TBC1D24: variants seen among roughly 807,000 people sequenced by gnomAD.
TBC1D24 encodes Infantile myoclonic epilepsy.
A neutral mutation model predicts 50.7 loss-of-function variants in TBC1D24; 47 were observed. The ratio of observed to expected loss-of-function variants is 0.93; its 90% CI spans 0.73 to 1.18. The LOEUF is 1.18. Ranked by LOEUF, TBC1D24 falls within the 50% of genes most tolerant of loss-of-function variation. TBC1D24 has a pLI of 0.00. For missense variants in TBC1D24, 688 were observed against 766.5 expected, an observed-to-expected ratio of 0.90 and a Z score of 1.21; for synonymous variants, 324 against 335.2, an observed-to-expected ratio of 0.97 and a Z score of 0.36.
rs1227972209 is a variant in TBC1D24, at chr16:2,504,425, T to C, written c.*3467T>C. ...TATTGAGATTGTCCCTTTTTTTTTT[T>C]TTTTTTTTTTTGAGACAGAGTCTCG... On this transcript the variant is annotated 3_prime_UTR_variant, in exon 8 of 8. Coordinates refer to ENST00000646147, the MANE Select transcript of TBC1D24 (RefSeq NM_001199107.2). The C allele has an allele frequency of 6.8e-6, 1 of 146,252 alleles. No individual in the cohort carries two copies. The allele number at this position is 146,252 out of a possible 1,614,324, so 9.1% of individuals were successfully genotyped here. A position where few individuals can be genotyped will look rare whatever the true frequency, so the allele number is the denominator to read the frequency against.
Position 2,499,397 on chromosome 16 carries a change from C to A in TBC1D24, c.1183C>A (p.Leu395Ile), listed in dbSNP as rs1450949399. Residue 395 changes from leucine to isoleucine, a missense_variant, in exon 5 of 8, where the codon CTC becomes ATC. Transcript: ENST00000646147. This position sits in a 1 kb window ranked among gnomAD's most constrained non-coding sequence, Gnocchi z 4.0. ...TGAAGGACATGAGCCTACCCTCTTG[C>A]TCATCAAGACCACGCAGAAGGAGGT... ...QCEGHEPTLL[L>I]IKTTQKEVCG... is the part of the protein sequence containing the mutation. 1 of 1,613,712 alleles carries A rather than the reference C, an allele frequency of 6.2e-7. No individual in the cohort carries two copies. The highest frequency in any genetic ancestry group is 8.5e-7 in the Non-Finnish European group (1 of 1,179,874).
intron 1 of TBC1D24, among the ~76,000 whole-genome samples, chr16:2,490,550 G>A (rs1265398192): frequency 6.6e-6 from 1 of 152,200 alleles, no homozygotes; most frequent in Non-Finnish European, 1.5e-5. Flanking sequence ...CCCGGAGAGA[G>A]AGTGGGATAG....
At chr16:2,476,889 C>A (rs1248990801) in intron 1 of TBC1D24, 1 of 152,262 alleles carries the variant, frequency 6.6e-6, no homozygotes, top group East Asian at 1.9e-4. Flanking sequence ...CTGACCACAC[C>A]TGCCAGGAGT....
Position 2,501,094 on chromosome 16 carries a change from T to A in TBC1D24, c.*136T>A. On this transcript the variant is annotated 3_prime_UTR_variant, in exon 8 of 8. Transcript: ENST00000646147. Reference sequence around the variant, plus strand: ...GACGGCAGGACCCCATGGCCAAGCCTGGCGTTGCCTGGACCTGCTGCTGCC... The same window carrying A: ...GACGGCAGGACCCCATGGCCAAGCCAGGCGTTGCCTGGACCTGCTGCTGCC... The A allele has an allele frequency of 8.7e-7, 1 of 1,147,746 alleles. No individual in the cohort carries two copies. The highest frequency in any genetic ancestry group is 1.2e-6 in the Non-Finnish European group (1 of 815,182). 71.1% of individuals were successfully genotyped at this position (1,147,746 alleles called of 1,614,324 possible). A position where few individuals can be genotyped will look rare whatever the true frequency, so the allele number is the denominator to read the frequency against.
At chr16:2,498,474 T>C in intron 4 of TBC1D24, 78 bp downstream of exon 4, 3 of 1,403,296 alleles carry the variant, frequency 2.1e-6, no homozygotes, top group Non-Finnish European at 1.9e-6. Context: ...GAAATGGGCC[T>C]CAAACCTCGG....
In TBC1D24 at chr16:2,486,055, G is replaced by A. The variant is rs1452996326; in HGVS notation, c.-115-9979G>A. On this transcript the variant is annotated intron_variant, in intron 1 of 7. Transcript: ENST00000646147. The surrounding 1 kb of genome is among the most constrained non-coding windows in gnomAD (Gnocchi z 5.8). ...TGCCCTCCCCTGCCTGGCGGGTGGG[G>A]TCGGTGCTCAGGAGCGGGTGGGGCC... Among the ~76,000 whole-genome samples, 3 of 152,216 alleles carry A rather than the reference G, an allele frequency of 2.0e-5. No homozygotes were observed. The highest frequency in any genetic ancestry group is 4.4e-5 in the Non-Finnish European group (3 of 68,024).
At position 2,485,767 on chromosome 16, in the gene TBC1D24, C is replaced by T. The variant is rs1252733281; in HGVS notation, c.-115-10267C>T. Among the ~76,000 whole-genome samples the T allele has an allele frequency of 4.6e-5, 7 of 152,236 alleles. No individual in the cohort carries two copies. Among genetic ancestry groups the T allele is most frequent in the Non-Finnish European group, 1.0e-4 (7 of 68,038 alleles). On this transcript the variant is annotated intron_variant, in intron 1 of 7. Coordinates refer to ENST00000646147, the MANE Select transcript of TBC1D24 (RefSeq NM_001199107.2). The surrounding 1 kb of genome is among the most constrained non-coding windows in gnomAD (Gnocchi z 4.6). ...GGATTGCTTGCTGCCGGGAGAAACC[C>T]CCGCATCTTCTGGGTCGCAGATCCT... is the stretch of plus-strand genomic sequence containing the variant.
At chr16:2,480,049 C>T (rs974461994) in intron 1 of TBC1D24, 1 of 152,166 alleles carries the variant, frequency 6.6e-6, no homozygotes, top group African/African-American at 2.4e-5. Context: ...CCTGGCTGCT[C>T]TCGAACTCCC....
chr16:2,494,818 C>T (rs1284835673), intron 1 of TBC1D24, among the ~76,000 whole-genome samples: 2 of 152,066 alleles, frequency 1.3e-5, no homozygotes, highest in Non-Finnish European at 2.9e-5. Flanking sequence ...AGGTATACTC[C>T]AAAGTTTGTA....
Position 2,485,134 on chromosome 16 carries a change from C to G in TBC1D24, c.-116+9964C>G, listed in dbSNP as rs2065639339. On this transcript the variant is annotated intron_variant, in intron 1 of 7. Transcript: ENST00000646147. This position sits in a 1 kb window ranked among gnomAD's most constrained non-coding sequence, Gnocchi z 4.6. Reference sequence around the variant, plus strand: ...TTTGGTCTTTGTCCTTGTTTAGTGACATACAACTCCTGAAATCCTCAGAAT... The same window carrying G: ...TTTGGTCTTTGTCCTTGTTTAGTGAGATACAACTCCTGAAATCCTCAGAAT... The G allele has an allele frequency of 6.6e-6, 1 of 152,248 alleles. No homozygotes were observed. The highest frequency in any genetic ancestry group is 1.5e-5 in the Non-Finnish European group (1 of 68,062). 9.4% of individuals were successfully genotyped at this position (152,248 alleles called of 1,614,324 possible).
chr16:2,482,478 G>C lies in TBC1D24; in HGVS notation c.-116+7308G>C, dbSNP rs2065617130. On this transcript the variant is annotated intron_variant, in intron 1 of 7. Coordinates refer to ENST00000646147, the MANE Select transcript of TBC1D24 (RefSeq NM_001199107.2). This position sits in a 1 kb window ranked among gnomAD's most constrained non-coding sequence, Gnocchi z 5.2. The stretch of plus-strand genomic sequence containing the variant: ...CAGGTGTCTCCTGCCACTCTGAACA[G>C]TGACATTCCCACAGTGTAGTGTGGG... 6.6e-6 allele frequency among the ~76,000 whole-genome samples: 1 copy of C among 152,234 alleles called. No homozygotes were observed. Among genetic ancestry groups the C allele is most frequent in the South Asian group, 2.1e-4 (1 of 4,830 alleles).
chr16:2,488,865 C>A (rs2065672666), intron 1 of TBC1D24, among the ~76,000 whole-genome samples: 4 of 144,722 alleles, frequency 2.8e-5, no homozygotes, highest in Admixed American at 2.7e-4. Context: ...TCGAGACCAT[C>A]CTGGCTAACA....
Position 2,499,534 on chromosome 16 carries a change from C to G in TBC1D24, c.1206+114C>G. 1 of 965,120 alleles carries G rather than the reference C, an allele frequency of 1.0e-6. No individual in the cohort carries two copies. The highest frequency in any genetic ancestry group is 2.6e-5 in the East Asian group (1 of 38,812). 59.8% of individuals were successfully genotyped at this position (965,120 alleles called of 1,614,324 possible). A position where few individuals can be genotyped will look rare whatever the true frequency, so the allele number is the denominator to read the frequency against. ...GGGCCTAGGCCTCCTGGGCCAGATC[C>G]AGAGTCAGAGCGTGGGTATGGCCAG... On this transcript the variant is annotated intron_variant, in intron 5 of 7. Coordinates refer to ENST00000646147, the MANE Select transcript of TBC1D24 (RefSeq NM_001199107.2). The surrounding 1 kb of genome is among the most constrained non-coding windows in gnomAD (Gnocchi z 4.0).
rs1254624772 is a variant in TBC1D24, at chr16:2,500,087, G to A, written c.1302+157G>A. Among the ~76,000 whole-genome samples, 3 of 152,116 alleles carry A rather than the reference G, an allele frequency of 2.0e-5. No individual in the cohort carries two copies. Among genetic ancestry groups the A allele is most frequent in the Non-Finnish European group, 4.4e-5 (3 of 68,006 alleles). On this transcript the variant is annotated intron_variant, in intron 6 of 7. Transcript: ENST00000646147. This position sits in a 1 kb window ranked among gnomAD's most constrained non-coding sequence, Gnocchi z 8.0. ...TGCTTCCGGGTTTGATCATTCAGCC[G>A]TGCGCTGCTCCGGGGCAGGGGGCTT...
rs889431856 is a variant in TBC1D24 at position 2,483,579 on chromosome 16, C to T, written c.-116+8409C>T. On this transcript the variant is annotated intron_variant, in intron 1 of 7. Transcript: ENST00000646147. The surrounding 1 kb of genome is among the most constrained non-coding windows in gnomAD (Gnocchi z 4.0). ...GGGTAGAGTGGTTTTCTGGAATGCC[C>T]GGGGACTGGATAAAAAGGTAGAGAT... The T allele has an allele frequency of 3.9e-5, 6 of 152,348 alleles. No individual in the cohort carries two copies. The East Asian group carries it at 5.8e-4, about 15-fold the overall frequency. The allele number at this position is 152,348 out of a possible 1,614,324, so 9.4% of individuals were successfully genotyped here.
chr16:2,499,320 T>A lies in TBC1D24; in HGVS notation c.1143-37T>A, dbSNP rs367758930. On this transcript the variant is annotated intron_variant, in intron 4 of 7. Coordinates refer to ENST00000646147, the MANE Select transcript of TBC1D24 (RefSeq NM_001199107.2). The surrounding 1 kb of genome is among the most constrained non-coding windows in gnomAD (Gnocchi z 4.0). ...GCTGCAGGAGGCGGCTGGGAGGGTGTGCAGGGTGACAGCTGGCATGCGTGT... is the reference window on the plus strand; with the variant it reads ...GCTGCAGGAGGCGGCTGGGAGGGTGAGCAGGGTGACAGCTGGCATGCGTGT... The A allele has an allele frequency of 5.0e-6, 8 of 1,597,678 alleles. No individual in the cohort carries two copies. In the African/African-American group the frequency reaches 1.1e-4, roughly 21 times the overall value.
intron 1 of TBC1D24, among the ~76,000 whole-genome samples, chr16:2,492,207 C>A (rs1050982560): frequency 1.3e-5 from 2 of 152,028 alleles, no homozygotes; most frequent in Non-Finnish European, 2.9e-5. Flanking sequence ...AAATGTCGTG[C>A]GCTCTTTTTG....
rs186292953 is a variant in TBC1D24, at chr16:2,495,693, C to T, written c.-115-341C>T. 5.3e-3 allele frequency among the ~76,000 whole-genome samples: 810 copies of T among 152,134 alleles called. 7 individuals carry two copies. The highest frequency in any genetic ancestry group is 0.051 in the Middle Eastern group (15 of 294). ...ACTCAGAAGGCTGAGTCTGGAGAAT[C>T]GCTTGAACCAGGGGCGAGGAGGTTG... On this transcript the variant is annotated intron_variant, in intron 1 of 7. Coordinates refer to ENST00000646147, the MANE Select transcript of TBC1D24 (RefSeq NM_001199107.2).
rs906093467 is a variant in TBC1D24 at position 2,501,071 on chromosome 16, C to T, written c.*113C>T. 44 of 1,399,708 alleles carry T rather than the reference C, an allele frequency of 3.1e-5. No homozygotes were observed. Among genetic ancestry groups the T allele is most frequent in the African/African-American group, 4.2e-5 (3 of 70,602 alleles). 86.7% of individuals were successfully genotyped at this position (1,399,708 alleles called of 1,614,324 possible). The stretch of plus-strand genomic sequence containing the variant: ...CCATGTGGTAGGCAGGGTTGGGGGA[C>T]GGCAGGACCCCATGGCCAAGCCTGG... On this transcript the variant is annotated 3_prime_UTR_variant, in exon 8 of 8. Transcript: ENST00000646147.
Sources: gnomAD v4.1 joint callset for allele counts (sites outside exome capture counted in the v4.1 genomes callset) on GRCh38, gnomAD v4.1.1 for gene constraint, Gnocchi (gnomAD v3.1) non-coding constraint, MANE v1.5 for transcripts, NCBI Gene and HGNC (gene_info 2026-07-23, HGNC 2026-07-21) for gene names.